Variants in DGKI observed in about 807,000 individuals in gnomAD.
The protein encoded by DGKI is DAG kinase iota.
In DGKI, 55 loss-of-function variants were observed where a neutral mutation model predicts 147.5. The observed-to-expected ratio is 0.37, with a 90% CI of 0.30 to 0.47. The LOEUF (loss-of-function observed/expected upper bound fraction) is 0.47. Ranked by LOEUF, DGKI falls within the 20% of genes least tolerant of loss-of-function variation. The pLI, the probability that DGKI is intolerant of heterozygous loss-of-function variation, is 1.00. For missense variants in DGKI, 1,007 were observed against 1,323.8 expected (o/e 0.76, Z 3.71); for synonymous variants, 469 against 477.1 (o/e 0.98, Z 0.22).
intron 3 of DGKI, among the ~76,000 whole-genome samples, chr7:137,669,459 T>C (rs1822764528): frequency 6.6e-6 from 1 of 152,226 alleles, no homozygotes; most frequent in South Asian, 2.1e-4. Flanking sequence ...ACCATTTCTG[T>C]ACACCTGGGC....
intron 26 of DGKI, among the ~76,000 whole-genome samples, chr7:137,464,897 A>G (rs1814595800): frequency 6.6e-6 from 1 of 152,182 alleles, no homozygotes. Flanking sequence ...TACTTCAACA[A>G]TTCAGGCCCC....
At chr7:137,808,004 T>C (rs2116987814) in intron 1 of DGKI, among the ~76,000 whole-genome samples, 1 of 152,352 alleles carries the variant, frequency 6.6e-6, no homozygotes, top group East Asian at 1.9e-4. Flanking sequence ...TTGATTCTCC[T>C]TTCATTCCCA....
Position 137,391,321 on chromosome 7 carries a change from C to T in DGKI, c.3073G>A (p.Glu1025Lys). Residue 1025 changes from glutamate to lysine, a missense_variant, in exon 33 of 33, where the codon GAA (glutamate) becomes AAA (lysine). Glu to Lys is a moderately conservative substitution (Grantham distance 56). Around this residue, in one of 5 missense-constraint regions of DGKI, gnomAD observed 385 missense variants for 445.2 expected, o/e 0.86. Transcript: ENST00000614521. ...GGGTCCCCAGCCTGCTGTGCTCTTT[C>T]TTGAGGTGTCTTACCCTATACGAAA... Reference protein sequence around the residue: ...KTDSKGKTPQERAQQAGDPDL... With the variant: ...KTDSKGKTPQKRAQQAGDPDL... 6.2e-7 allele frequency: 1 copy of T among 1,607,148 alleles called. No homozygotes were observed. Among genetic ancestry groups the T allele is most frequent in the Non-Finnish European group, 8.5e-7 (1 of 1,177,344 alleles).
At chr7:137,705,501 A>G (rs1793988582) in intron 1 of DGKI, among the ~76,000 whole-genome samples, 1 of 152,192 alleles carries the variant, frequency 6.6e-6, no homozygotes, top group Non-Finnish European at 1.5e-5. Context: ...TGTATTATAC[A>G]TAAAGTTATA....
chr7:137,469,255 G>A (rs68124742), intron 24 of DGKI, among the ~76,000 whole-genome samples: 15,406 of 152,154 alleles, frequency 0.1, 845 homozygotes, highest in African/African-American at 0.14. Flanking sequence ...ATTAATTTAA[G>A]GCAGGCAGTC....
chr7:137,471,852 CAG>C (rs913595517), intron 23 of DGKI, among the ~76,000 whole-genome samples: 2 of 146,812 alleles, frequency 1.4e-5, no homozygotes, highest in South Asian at 2.1e-4. Flanking sequence ...GCTATGGATA[CAG>C]AGATACTATA....
At chr7:137,497,986 C>T (rs191862808) in intron 21 of DGKI, among the ~76,000 whole-genome samples, 10 of 151,766 alleles carry the variant, frequency 6.6e-5, no homozygotes, top group South Asian at 4.2e-4. Flanking sequence ...AATGAACTTG[C>T]GCAAAGAAAA....
rs781580130 is a variant in DGKI at position 137,846,161 on chromosome 7, T to TCTCTCTCACACACA, written c.401+300_401+301insTGTGTGTGAGAGAG. Among the ~76,000 whole-genome samples, 14 of 108,216 alleles carry TCTCTCTCACACACA rather than the reference T, an allele frequency of 1.3e-4. No individual in the cohort carries two copies. The highest frequency in any genetic ancestry group is 2.8e-4 in the East Asian group (1 of 3,570). The allele number at this position is 108,216 out of a possible 152,430, so 71.0% of individuals were successfully genotyped here. ...CTCTCTCTCTCTCTCTCTCTCTCTCTCACACACACACACACACACACACAC... is the reference window on the plus strand; with the variant it reads ...CTCTCTCTCTCTCTCTCTCTCTCTCTCTCTCTCACACACACACACACACACACACACACACACAC... On this transcript the variant is annotated intron_variant, in intron 1 of 32. Coordinates refer to ENST00000614521, the MANE Select transcript of DGKI (RefSeq NM_001321708.2). This position sits in a 1 kb window ranked among gnomAD's most constrained non-coding sequence, Gnocchi z 4.0.
At chr7:137,555,545 A>G (rs1818196517) in intron 19 of DGKI, among the ~76,000 whole-genome samples, 1 of 152,080 alleles carries the variant, frequency 6.6e-6, no homozygotes, top group African/African-American at 2.4e-5. Flanking sequence ...AATTAAATAA[A>G]TAAAATAAGG....
intron 21 of DGKI, among the ~76,000 whole-genome samples, chr7:137,510,623 T>C (rs548098071): frequency 6.6e-6 from 1 of 152,224 alleles, no homozygotes; most frequent in African/African-American, 2.4e-5. Flanking sequence ...CTTGAAATGA[T>C]GATTAGATAC....
intron 2 of DGKI, among the ~76,000 whole-genome samples, chr7:137,679,295 C>A (rs1823146578): frequency 1.3e-5 from 2 of 152,060 alleles, no homozygotes; most frequent in African/African-American, 4.8e-5. Flanking sequence ...TAAAAATATT[C>A]ATATACTTTG....
chr7:137,592,789 T>C (rs1481233967), intron 12 of DGKI, among the ~76,000 whole-genome samples: 3 of 152,344 alleles, frequency 2.0e-5, no homozygotes, highest in East Asian at 3.9e-4. Context: ...TTTTAATGTA[T>C]GTTTGCACTT....
intron 14 of DGKI, 108 bp downstream of exon 14, chr7:137,585,101 T>A: frequency 7.8e-7 from 1 of 1,283,770 alleles, no homozygotes; most frequent in Non-Finnish European, 1.1e-6. Flanking sequence ...ATTATCACAT[T>A]ATCTCATAGG....
intron 1 of DGKI, among the ~76,000 whole-genome samples, chr7:137,832,490 C>T (rs749955591): frequency 4.6e-5 from 7 of 152,258 alleles, no homozygotes; most frequent in Non-Finnish European, 1.0e-4. Context: ...TCAAGCTATA[C>T]CTTGGCCCCT....
chr7:137,596,030 A>AAAAG (rs1563103532), intron 12 of DGKI, among the ~76,000 whole-genome samples: 1,665 of 132,698 alleles, frequency 0.013, 60 homozygotes, highest in African/African-American at 0.052. Flanking sequence ...AAAAAAAAAA[A>AAAAG]AAAGAAAGAA....
At chr7:137,667,644 T>G (rs1244894259) in intron 3 of DGKI, among the ~76,000 whole-genome samples, 1 of 151,302 alleles carries the variant, frequency 6.6e-6, no homozygotes, top group Non-Finnish European at 1.5e-5. Flanking sequence ...ATATTTGCTT[T>G]GATATGGAAT....
intron 28 of DGKI, among the ~76,000 whole-genome samples, chr7:137,426,716 A>G (rs1255888089): frequency 6.6e-6 from 1 of 151,632 alleles, no homozygotes; most frequent in Non-Finnish European, 1.5e-5. Flanking sequence ...TCTACCAAGC[A>G]AATGGAAAAC....
intron 14 of DGKI, 129 bp from the exon 15 acceptor site, chr7:137,582,057 G>A (rs1819215312): frequency 3.4e-6 from 2 of 587,414 alleles, no homozygotes; most frequent in South Asian, 5.7e-5. Context: ...ACTCAAAGTG[G>A]AGGGTGCTTA....
intron 31 of DGKI, among the ~76,000 whole-genome samples, chr7:137,396,833 G>A (rs1408797869): frequency 2.0e-5 from 3 of 152,174 alleles, no homozygotes; most frequent in Non-Finnish European, 4.4e-5. Flanking sequence ...CATCAGTTTA[G>A]GCACCATCCC....
Sources: allele counts gnomAD v4.1 joint callset (sites outside exome capture counted in the v4.1 genomes callset), GRCh38; gene constraint gnomAD v4.1.1; regional missense constraint gnomAD v4.1.1; non-coding constraint Gnocchi (gnomAD v3.1); transcripts MANE v1.5; gene names NCBI Gene and HGNC (gene_info 2026-07-23, HGNC 2026-07-21).